STIM2: variants seen among roughly 807,000 people sequenced by gnomAD.
The protein encoded by STIM2 is stromal interaction molecule 2.
Under a neutral mutation model 85.8 loss-of-function variants are expected in STIM2, and 31 were observed. The observed-to-expected ratio is 0.36, with a 90% CI of 0.27 to 0.49. The LOEUF is 0.49. Ranked by LOEUF, STIM2 falls within the 20% of genes least tolerant of loss-of-function variation. The pLI, the probability that STIM2 is intolerant of heterozygous loss-of-function variation, is 0.98. For missense variants in STIM2, 841 were observed against 927.6 expected (o/e 0.91, Z 1.21); for synonymous variants, 356 against 331.1 (o/e 1.08, Z -0.82).
chr4:27,015,397 G>T (rs1728697017), intron 10 of STIM2, among the ~76,000 whole-genome samples: 1 of 151,632 alleles, frequency 6.6e-6, no homozygotes, highest in African/African-American at 2.4e-5. Context: ...ATATACTTAT[G>T]TGTTTATTTC....
intron 1 of STIM2, among the ~76,000 whole-genome samples, chr4:26,917,331 G>T (rs750306172): frequency 3.9e-5 from 6 of 152,104 alleles, no homozygotes; most frequent in Non-Finnish European, 7.4e-5. Context: ...ATAGTCCCCA[G>T]TAAAATATAA....
chr4:26,971,774 A>T (rs1170475342), intron 3 of STIM2, among the ~76,000 whole-genome samples: 1 of 152,186 alleles, frequency 6.6e-6, no homozygotes, highest in Non-Finnish European at 1.5e-5. Flanking sequence ...CAATTCTGTG[A>T]AGAAAGTCAT....
In STIM2 at chr4:27,000,899, C is replaced by T. The variant is rs1233499925; in HGVS notation, c.626-1318C>T. Among the ~76,000 whole-genome samples, 5 of 151,514 alleles carry T rather than the reference C, an allele frequency of 3.3e-5. No homozygotes were observed. The East Asian group carries it at 5.8e-4, about 18-fold the overall frequency. On this transcript the variant is annotated intron_variant, in intron 5 of 11. Transcript: ENST00000467087. ...TTATCTATTTATTGTTATTTATGGTCAGAGAATAGGGCTCACAGTTGAAGG... is the reference window on the plus strand; with the variant it reads ...TTATCTATTTATTGTTATTTATGGTTAGAGAATAGGGCTCACAGTTGAAGG...
intron 1 of STIM2, chr4:26,874,240 C>G: frequency 2.3e-6 from 1 of 434,800 alleles, no homozygotes; most frequent in Non-Finnish European, 4.6e-6. Flanking sequence ...GCAGGGGTCT[C>G]CTGGATGGCT....
At chr4:27,012,358 AATT>A (rs1728586945) in intron 10 of STIM2, among the ~76,000 whole-genome samples, 1 of 152,080 alleles carries the variant, frequency 6.6e-6, no homozygotes, top group Non-Finnish European at 1.5e-5. Flanking sequence ...ATTTGTGGAG[AATT>A]ATTAATCAAT....
At chr4:26,971,802 T>G (rs1338211861) in intron 3 of STIM2, among the ~76,000 whole-genome samples, 2 of 152,224 alleles carry the variant, frequency 1.3e-5, no homozygotes, top group African/African-American at 4.8e-5. Flanking sequence ...TTGATGGGGA[T>G]AGCATTGAAT....
Position 27,017,705 on chromosome 4 carries a change from T to C in STIM2, c.1490-6T>C, listed in dbSNP as rs139719911. On this transcript the variant is annotated splice_polypyrimidine_tract_variant and splice_region_variant and intron_variant, in intron 10 of 11. Transcript: ENST00000467087. ...ATGAGCATGTTTCTTTCTTGGTGTTTTTCAGGGACCATGGCTAAACCTCCT... is the reference window on the plus strand; with the variant it reads ...ATGAGCATGTTTCTTTCTTGGTGTTCTTCAGGGACCATGGCTAAACCTCCT... 5.1e-4 allele frequency: 818 copies of C among 1,612,780 alleles called. 3 individuals carry two copies. In the African/African-American group the frequency reaches 9.7e-3, roughly 19 times the overall value.
At chr4:26,923,035 G>A (rs998535692) in intron 2 of STIM2, among the ~76,000 whole-genome samples, 4 of 151,576 alleles carry the variant, frequency 2.6e-5, no homozygotes, top group East Asian at 1.9e-4. Flanking sequence ...ATCTGAGAAC[G>A]GGCAGACTGC....
rs1462849538 is a variant in STIM2 at position 26,999,302 on chromosome 4, C to T, written c.580C>T (p.Leu194Phe). 6.2e-7 allele frequency: 1 copy of T among 1,609,806 alleles called. No homozygotes were observed. The highest frequency in any genetic ancestry group is 8.5e-7 in the Non-Finnish European group (1 of 1,177,890). Residue 194 changes from leucine to phenylalanine, a missense_variant, in exon 5 of 12, where the codon CTT (leucine) becomes TTT (phenylalanine). Leu to Phe is a conservative substitution (Grantham distance 22, BLOSUM62 0). Coordinates refer to ENST00000467087, the MANE Select transcript of STIM2 (RefSeq NM_020860.4). ...CAGTGACCGGAGTCACAGACAAAAACTTCAGCTCAAGGCATTGGATGTGGT... is the reference window on the plus strand; with the variant it reads ...CAGTGACCGGAGTCACAGACAAAAATTTCAGCTCAAGGCATTGGATGTGGT...
chr4:26,872,845 A>G (rs937801801), intron 1 of STIM2, among the ~76,000 whole-genome samples: 9 of 152,256 alleles, frequency 5.9e-5, no homozygotes, highest in African/African-American at 2.2e-4. Flanking sequence ...TAGTTAGAGA[A>G]GGCTTCTGAG....
chr4:26,941,933 C>T (rs1420823893), intron 2 of STIM2, among the ~76,000 whole-genome samples: 1 of 152,096 alleles, frequency 6.6e-6, no homozygotes, highest in African/African-American at 2.4e-5. Flanking sequence ...TTAAAACTTT[C>T]ACTTTCTTTT....
At chr4:26,873,565 G>T in intron 1 of STIM2, 2 of 430,332 alleles carry the variant, frequency 4.6e-6, no homozygotes, top group Non-Finnish European at 4.4e-6. Flanking sequence ...GGAAGCTCAT[G>T]GGGAAGCACA....
chr4:27,009,971 G>A (rs937510853), intron 10 of STIM2, among the ~76,000 whole-genome samples: 3 of 151,914 alleles, frequency 2.0e-5, no homozygotes, highest in Non-Finnish European at 4.4e-5. Context: ...TTTTTTCTTT[G>A]CTTTTTAAAA....
intron 1 of STIM2, among the ~76,000 whole-genome samples, chr4:26,889,096 C>G (rs553592440): frequency 6.6e-6 from 1 of 152,246 alleles, no homozygotes; most frequent in East Asian, 1.9e-4. Context: ...ACAAAAATTT[C>G]GCTAGTGAAA....
At chr4:26,909,661 G>C (rs1287422796) in intron 1 of STIM2, among the ~76,000 whole-genome samples, 2 of 152,162 alleles carry the variant, frequency 1.3e-5, no homozygotes, top group African/African-American at 2.4e-5. Context: ...TTTGGTTGTA[G>C]CTTTTATTGT....
chr4:26,910,624 C>T (rs192888576), intron 1 of STIM2, among the ~76,000 whole-genome samples: 1 of 152,124 alleles, frequency 6.6e-6, no homozygotes, highest in Non-Finnish European at 1.5e-5. Context: ...ATGAATACAC[C>T]TACTCGCTTA....
chr4:26,890,846 A>G (rs764482055), intron 1 of STIM2, among the ~76,000 whole-genome samples: 16 of 146,134 alleles, frequency 1.1e-4, no homozygotes, highest in Non-Finnish European at 1.6e-4. Flanking sequence ...AAAAAAAAGG[A>G]GAGTACTTTT....
chr4:26,961,683 A>G (rs994019849), intron 3 of STIM2, among the ~76,000 whole-genome samples: 3 of 152,142 alleles, frequency 2.0e-5, no homozygotes, highest in Admixed American at 2.0e-4. Context: ...ACTATTATAC[A>G]CAGAAGGTGG....
At chr4:26,978,532 GTGGC>G (rs1407004940) in intron 3 of STIM2, among the ~76,000 whole-genome samples, 1 of 152,034 alleles carries the variant, frequency 6.6e-6, no homozygotes, top group Non-Finnish European at 1.5e-5. Flanking sequence ...GGCTAGTTCT[GTGGC>G]TGGTGGCAGT....
Sources: gnomAD v4.1 joint callset for allele counts (sites outside exome capture counted in the v4.1 genomes callset) on GRCh38, gnomAD v4.1.1 for gene constraint, MANE v1.5 for transcripts, NCBI Gene and HGNC (gene_info 2026-07-23, HGNC 2026-07-21) for gene names.